Variants in RHPN1 observed in about 807,000 individuals in gnomAD.
The protein encoded by RHPN1 is rhophilin Rho GTPase binding protein 1.
Under a neutral mutation model 74.7 loss-of-function variants are expected in RHPN1, and 77 were observed. That is an observed-to-expected ratio of 1.03 (90% confidence interval 0.86 to 1.25). The LOEUF (loss-of-function observed/expected upper bound fraction) is 1.25, where lower values mean the gene tolerates loss of function less well. Among genes scored for constraint, RHPN1 ranks in the 50% most tolerant of loss-of-function variants. RHPN1 has a pLI of 0.00. For synonymous variants in RHPN1, 444 were observed against 414.5 expected (o/e 1.07, Z -0.87); for missense variants, 987 against 932.2 (o/e 1.06, Z -0.77).
chr8:143,377,655 G>A (rs1299094562), intron 4 of RHPN1, among the ~76,000 whole-genome samples, 200 bp downstream of exon 4: 8 of 152,144 alleles, frequency 5.3e-5, no homozygotes, highest in African/African-American at 1.9e-4. Context: ...GGCCCCGCTG[G>A]TGCCTGCGCC....
At position 143,375,569 on chromosome 8, in the gene RHPN1, C is replaced by G; in HGVS notation, c.77C>G (p.Thr26Arg). The G allele has an allele frequency of 6.2e-7, 1 of 1,600,510 alleles. No individual in the cohort carries two copies. Among genetic ancestry groups the G allele is most frequent in the Non-Finnish European group, 8.5e-7 (1 of 1,175,438 alleles). The change falls in exon 2 of 15, where the codon ACG becomes AGG. Residue 26 changes from threonine to arginine, a missense_variant. Physicochemically the swap from Thr to Arg is moderately conservative, Grantham distance 71. Transcript: ENST00000289013. Reference sequence around the variant, plus strand: ...TCCCTGCAGGGCTGTGACTCCCTGACGCAGATCCAGTGCGGCCAGCTGCAG... The same window carrying G: ...TCCCTGCAGGGCTGTGACTCCCTGAGGCAGATCCAGTGCGGCCAGCTGCAG... ...SPRLQGCDSL[T>R]QIQCGQLQSR... is the part of the protein sequence containing the mutation.
intron 3 of RHPN1, among the ~76,000 whole-genome samples, chr8:143,377,131 C>T (rs866666465): frequency 3.5e-4 from 52 of 150,072 alleles, no homozygotes; most frequent in African/African-American, 1.1e-3. Context: ...TGTGTATGCA[C>T]GCATGTGTTT....
rs1265009524 is a variant in RHPN1, at chr8:143,379,853, C to T, written c.970C>T (p.His324Tyr). 1.2e-6 allele frequency: 2 copies of T among 1,610,448 alleles called. No individual in the cohort carries two copies. Among genetic ancestry groups the T allele is most frequent in the South Asian group, 1.1e-5 (1 of 90,820 alleles). The stretch of plus-strand genomic sequence containing the variant: ...GGTGGCAGCCGAGTACAGGCTAGTG[C>T]ACCGGACCATGGCCCAGCCACCCGT... The part of the protein sequence containing the change: ...AQVAAEYRLV[H>Y]RTMAQPPVHD... Residue 324 changes from histidine to tyrosine, a missense_variant, in exon 9 of 15, where the codon CAC becomes TAC. Coordinates refer to ENST00000289013, the MANE Select transcript of RHPN1 (RefSeq NM_052924.3).
chr8:143,378,316 A>G lies in RHPN1; in HGVS notation c.429A>G (p.Ala143=), dbSNP rs1298246002. The change falls in exon 5 of 15, where the codon GCA becomes GCG. Residue 143 remains alanine (A), a synonymous_variant. Transcript: ENST00000289013. ...GAGAGGACGGCGCCTCCTACGAGGC[A>G]GAAATCAGGGAGCTGGAGGCCCTGC... is the stretch of plus-strand genomic sequence containing the variant. ...HFGEDGASYE[A]EIRELEALRQ... The G allele has an allele frequency of 6.4e-7, 1 of 1,566,956 alleles. No individual in the cohort carries two copies. The highest frequency in any genetic ancestry group is 2.4e-5 in the East Asian group (1 of 42,074).
chr8:143,365,285 C>T (rs1042099285), upstream of RHPN1, among the ~76,000 whole-genome samples: 13 of 152,150 alleles, frequency 8.5e-5, no homozygotes, highest in Admixed American at 3.3e-4. Context: ...CCTAAAAGAC[C>T]CCAAGCCTGA....
rs766214098 is a variant in RHPN1 at position 143,377,420 on chromosome 8, G to C, written c.346G>C (p.Glu116Gln). Reference protein sequence around the residue: ...TVPMIPLGLKETKELDWSTPL... With the variant: ...TVPMIPLGLKQTKELDWSTPL... ...CCCCATGATCCCCCTGGGCCTGAAG[G>C]AGACCAAGGAGCTGGACTGGTCTAC... Residue 116 changes from glutamate (E) to glutamine (Q), a missense_variant, in exon 4 of 15, where the codon GAG (glutamate) becomes CAG (glutamine). By Grantham distance (29) the Glu-to-Gln change is conservative (BLOSUM62 2). Transcript: ENST00000289013. The C allele has an allele frequency of 1.9e-6, 3 of 1,613,514 alleles. No homozygotes were observed. Among genetic ancestry groups the C allele is most frequent in the Non-Finnish European group, 2.5e-6 (3 of 1,179,608 alleles).
At chr8:143,369,681 C>T (rs1021217508) in intron 1 of RHPN1, among the ~76,000 whole-genome samples, 1 of 152,234 alleles carries the variant, frequency 6.6e-6, no homozygotes, top group Non-Finnish European at 1.5e-5. Flanking sequence ...AGCCCAGAGC[C>T]TGCTTGTTCC....
rs1202114518 is a variant in RHPN1, at chr8:143,379,918, T to C, written c.1035T>C (p.His345=). Residue 345 remains histidine, a synonymous_variant, in exon 9 of 15, where the codon CAT becomes CAC. Transcript: ENST00000289013. The part of the protein sequence containing the change: ...YVPVSWTALV[H]VKAEYFRSLA... ...CTGTCTCCTGGACTGCCCTGGTGCA[T>C]GTCAAGGCCGAGTACTTCCGCTCCC... is the stretch of plus-strand genomic sequence containing the variant. 3 of 1,600,832 alleles carry C rather than the reference T, an allele frequency of 1.9e-6. No individual in the cohort carries two copies. The highest frequency in any genetic ancestry group is 2.3e-5 in the East Asian group (1 of 44,286).
At chr8:143,377,709 C>G (rs1022011158) in intron 4 of RHPN1, among the ~76,000 whole-genome samples, 2 of 152,206 alleles carry the variant, frequency 1.3e-5, no homozygotes, top group African/African-American at 4.8e-5. Flanking sequence ...AACATGTGCC[C>G]TACCCTCGGA....
Position 143,378,579 on chromosome 8 carries a change from C to T in RHPN1, c.460-117C>T, listed in dbSNP as rs1036187072. ...CTTCGGGAGTCACGGCTGCCCAGGGCCCCACTGGCTTTGCCTCCCCGCCCC... is the reference window on the plus strand; with the variant it reads ...CTTCGGGAGTCACGGCTGCCCAGGGTCCCACTGGCTTTGCCTCCCCGCCCC... On this transcript the variant is annotated intron_variant, in intron 5 of 14. Transcript: ENST00000289013. 7 of 1,354,072 alleles carry T rather than the reference C, an allele frequency of 5.2e-6. No individual in the cohort carries two copies. In the African/African-American group the frequency reaches 5.8e-5, roughly 11 times the overall value. The allele number at this position is 1,354,072 out of a possible 1,614,324, so 83.9% of individuals were successfully genotyped here.
At chr8:143,365,958 C>T (rs1189155773), upstream of RHPN1, among the ~76,000 whole-genome samples, 1 of 148,692 alleles carries the variant, frequency 6.7e-6, no homozygotes, top group Non-Finnish European at 1.5e-5. Flanking sequence ...GCTGTGATCA[C>T]ACCACTGCAC....
chr8:143,376,646 C>T lies in RHPN1; in HGVS notation c.298C>T (p.His100Tyr), dbSNP rs748814603. 6.4e-7 allele frequency: 1 copy of T among 1,567,594 alleles called. No individual in the cohort carries two copies. The highest frequency in any genetic ancestry group is 8.6e-7 in the Non-Finnish European group (1 of 1,156,620). The stretch of plus-strand genomic sequence containing the variant: ...CAGCGGTGGCGTGGACCCTGGCCGG[C>T]ATGGGAGGTGCGGGTGGGGGCCGGG... Reference protein sequence around the residue: ...ELSGGVDPGRHGSEAVTVPMI... With the variant: ...ELSGGVDPGRYGSEAVTVPMI... The change falls in exon 3 of 15, where the codon CAT becomes TAT. Residue 100 changes from histidine to tyrosine, a missense_variant. His to Tyr is a moderately conservative substitution (Grantham distance 83, BLOSUM62 2). Coordinates refer to ENST00000289013, the MANE Select transcript of RHPN1 (RefSeq NM_052924.3).
rs147809801 is a variant in RHPN1 at position 143,375,758 on chromosome 8, G to A, written c.176+90G>A. On this transcript the variant is annotated intron_variant, in intron 2 of 14. Coordinates refer to ENST00000289013, the MANE Select transcript of RHPN1 (RefSeq NM_052924.3). The stretch of plus-strand genomic sequence containing the variant: ...CACGCAGGCAGATGTCTGCCCCATG[G>A]CCGGGTCACAGAGACAGGTGCATGA... The A allele has an allele frequency of 8.2e-4, 784 of 957,486 alleles. 12 individuals carry two copies. In the East Asian group the frequency reaches 0.021, roughly 25 times the overall value. 59.3% of individuals were successfully genotyped at this position (957,486 alleles called of 1,614,324 possible).
At chr8:143,369,314 G>A (rs1239815869) in intron 1 of RHPN1, among the ~76,000 whole-genome samples, 3 of 152,194 alleles carry the variant, frequency 2.0e-5, no homozygotes, top group Non-Finnish European at 4.4e-5. Flanking sequence ...CCCTCCTCGT[G>A]TCCCCCTTCT....
chr8:143,372,553 C>A (rs1186420804), intron 1 of RHPN1, among the ~76,000 whole-genome samples: 1 of 152,014 alleles, frequency 6.6e-6, no homozygotes, highest in Non-Finnish European at 1.5e-5. Context: ...GGGTCCTGGG[C>A]CGGCACACCC....
Position 143,382,636 on chromosome 8 carries a change from C to T in RHPN1, c.1998C>T (p.His666=), listed in dbSNP as rs780397829. The T allele has an allele frequency of 1.9e-6, 3 of 1,609,614 alleles. No homozygotes were observed. The African/African-American group carries it at 4.0e-5, about 22-fold the overall frequency. ...VKPAPPSSLK[H]PGWP ...CAGCTCCGCCCTCATCCTTGAAGCA[C>T]CCAGGGTGGCCGTGAGGGCCAGGAT... Residue 666 remains histidine, a synonymous_variant, in exon 15 of 15, where the codon CAC becomes CAT. Transcript: ENST00000289013.
At position 143,380,655 on chromosome 8, in the gene RHPN1, G is replaced by A. The variant is rs373432745; in HGVS notation, c.1283G>A (p.Arg428His). ...GCGCTGCGGCTGCACGCCCTGTGCC[G>A]CGTCCTGCGCGAGGTGGACCTGCTT... ...EEALRLHALC[R>H]VLREVDLLRA... The change falls in exon 11 of 15, where the codon CGC becomes CAC. Residue 428 changes from arginine (R) to histidine (H), a missense_variant. By Grantham distance (29) the Arg-to-His change is conservative. Transcript: ENST00000289013. 68 of 1,567,600 alleles carry A rather than the reference G, an allele frequency of 4.3e-5. No homozygotes were observed. Among genetic ancestry groups the A allele is most frequent in the Admixed American group, 5.6e-5 (3 of 53,638 alleles).
chr8:143,382,072 G>C, intron 14 of RHPN1, 104 bp downstream of exon 14: 1 of 1,220,282 alleles, frequency 8.2e-7, no homozygotes, highest in Non-Finnish European at 1.1e-6. Flanking sequence ...GGGAGGTGGG[G>C]CTGCAGGTAA....
chr8:143,372,267 G>A (rs1217148308), intron 1 of RHPN1, among the ~76,000 whole-genome samples: 3 of 150,172 alleles, frequency 2.0e-5, no homozygotes, highest in Non-Finnish European at 4.4e-5. Flanking sequence ...CTGGGCAGAG[G>A]CCCTCGAGGT....
Sources: gnomAD v4.1 joint callset for allele counts (sites outside exome capture counted in the v4.1 genomes callset) on GRCh38, gnomAD v4.1.1 for gene constraint, MANE v1.5 for transcripts, NCBI Gene and HGNC (gene_info 2026-07-23, HGNC 2026-07-21) for gene names.